Variants in CAMSAP1 observed in about 807,000 individuals in gnomAD.
The protein encoded by CAMSAP1 is calmodulin-regulated spectrin-associated protein 1.
In CAMSAP1, 58 loss-of-function variants were observed where a neutral mutation model predicts 143.5. The ratio of observed to expected loss-of-function variants is 0.40; its 90% CI spans 0.33 to 0.50. The LOEUF (loss-of-function observed/expected upper bound fraction) is 0.50. CAMSAP1 is among the 20% of genes least tolerant of loss of function. The pLI is 0.45. For synonymous variants in CAMSAP1, 945 were observed against 859.3 expected (o/e 1.10, Z -1.74); for missense variants, 1,969 against 2,115.7 (o/e 0.93, Z 1.36).
chr9:135,876,988 G>A (rs1187407668), intron 3 of CAMSAP1, among the ~76,000 whole-genome samples: 1 of 152,094 alleles, frequency 6.6e-6, no homozygotes, highest in Non-Finnish European at 1.5e-5. Context: ...TAGCCTGGGT[G>A]GCAGAGTGAG....
Position 135,823,185 on chromosome 9 carries a change from G to A in CAMSAP1, c.1476C>T (p.Ser492=). 6.3e-7 allele frequency: 1 copy of A among 1,598,828 alleles called. No homozygotes were observed. The highest frequency in any genetic ancestry group is 8.5e-7 in the Non-Finnish European group (1 of 1,170,690). ...TGCTGATGGAGCGGGCCAAGCTGAT[G>A]CTGTCGCCAGAGCTGGGATCCACTT... The part of the protein sequence containing the change: ...SCEVDPSSGD[S]ISLARSISKD... Residue 492 remains serine (S), a synonymous_variant, in exon 11 of 17, where the codon AGC becomes AGT. Transcript: ENST00000389532.
intron 7 of CAMSAP1, among the ~76,000 whole-genome samples, chr9:135,828,843 A>G (rs941879673): frequency 6.6e-6 from 1 of 152,244 alleles, no homozygotes; most frequent in Non-Finnish European, 1.5e-5. Context: ...CCCCCATTAG[A>G]CTATCAGTAG....
intron 5 of CAMSAP1, among the ~76,000 whole-genome samples, chr9:135,855,668 G>A (rs1836931644): frequency 6.6e-6 from 1 of 151,444 alleles, no homozygotes; most frequent in African/African-American, 2.4e-5. Context: ...TTGAATCCAG[G>A]TGGTGGCAGA....
chr9:135,860,693 C>G (rs1404814932), intron 5 of CAMSAP1, among the ~76,000 whole-genome samples: 1 of 149,514 alleles, frequency 6.7e-6, no homozygotes, highest in Admixed American at 6.6e-5. Flanking sequence ...CCGCCGTCTT[C>G]TTTAAGGTGT....
At chr9:135,865,336 A>G in intron 4 of CAMSAP1, 1 of 1,550,666 alleles carries the variant, frequency 6.4e-7, no homozygotes, top group Non-Finnish European at 8.7e-7. Context: ...ACTTACAGGC[A>G]CTAACTTCCA....
At chr9:135,817,414 C>T (rs1489734825) in intron 14 of CAMSAP1, among the ~76,000 whole-genome samples, 3 of 152,148 alleles carry the variant, frequency 2.0e-5, no homozygotes, top group African/African-American at 4.8e-5. Flanking sequence ...GGTTTTCTGG[C>T]AGCGTCTCAC....
At chr9:135,899,391 C>T (rs1838552303) in intron 1 of CAMSAP1, among the ~76,000 whole-genome samples, 2 of 148,196 alleles carry the variant, frequency 1.3e-5, no homozygotes, top group African/African-American at 2.5e-5. Flanking sequence ...GAGTTCGAGA[C>T]CATCCCTGAC....
At chr9:135,852,602 C>A (rs1213083200) in intron 5 of CAMSAP1, among the ~76,000 whole-genome samples, 2 of 152,122 alleles carry the variant, frequency 1.3e-5, no homozygotes, top group Non-Finnish European at 2.9e-5. Context: ...GTGAGGCCAC[C>A]CCAAAGGCAC....
chr9:135,842,512 G>A (rs1032901668), intron 7 of CAMSAP1, among the ~76,000 whole-genome samples: 1 of 152,020 alleles, frequency 6.6e-6, no homozygotes, highest in African/African-American at 2.4e-5. Flanking sequence ...CACACTCCAC[G>A]AGAAGAGCAA....
intron 3 of CAMSAP1, among the ~76,000 whole-genome samples, chr9:135,873,490 A>G (rs1837632612): frequency 6.6e-6 from 1 of 152,164 alleles, no homozygotes; most frequent in South Asian, 2.1e-4. Flanking sequence ...TAGAGAAAAT[A>G]AAAACTAAAA....
intron 7 of CAMSAP1, among the ~76,000 whole-genome samples, chr9:135,835,885 C>A (rs150884665): frequency 0.014 from 2,061 of 152,258 alleles, 51 homozygotes; most frequent in African/African-American, 0.047. Context: ...GAGATTGAGG[C>A]AGGAGAATCA....
chr9:135,821,009 T>G lies in CAMSAP1; in HGVS notation c.3652A>C (p.Lys1218Gln). ...VGSSSSDVSG[K>Q]ESVPVEEPLR... Reference sequence around the variant, plus strand: ...GGCTCCTCCACGGGGACGCTCTCTTTTCCCGAGACATCTGAGGAGCTGGAC... The same window carrying G: ...GGCTCCTCCACGGGGACGCTCTCTTGTCCCGAGACATCTGAGGAGCTGGAC... Residue 1218 changes from lysine to glutamine, a missense_variant, in exon 11 of 17, where the codon AAA becomes CAA. By Grantham distance (53) the Lys-to-Gln change is moderately conservative (BLOSUM62 1). Around this residue, in one of 4 missense-constraint regions of CAMSAP1, gnomAD observed 1,390 missense variants for 1,420.8 expected, o/e 0.98. Transcript: ENST00000389532. This position sits in a 1 kb window ranked among gnomAD's most constrained non-coding sequence, Gnocchi z 4.6. 6.2e-7 allele frequency: 1 copy of G among 1,613,050 alleles called. No individual in the cohort carries two copies. Among genetic ancestry groups the G allele is most frequent in the Non-Finnish European group, 8.5e-7 (1 of 1,179,202 alleles).
At chr9:135,823,328 G>A in intron 10 of CAMSAP1, 68 bp from the exon 11 acceptor site, 1 of 1,488,520 alleles carries the variant, frequency 6.7e-7, no homozygotes, top group African/African-American at 1.4e-5. Flanking sequence ...ATGGACCAGG[G>A]GGTGAGAATG....
chr9:135,906,027 A>G (rs1838766555), intron 1 of CAMSAP1, among the ~76,000 whole-genome samples: 1 of 152,262 alleles, frequency 6.6e-6, no homozygotes, highest in East Asian at 1.9e-4. Context: ...CTACTTACAC[A>G]GTACAAAAAC....
intron 1 of CAMSAP1, among the ~76,000 whole-genome samples, chr9:135,903,490 C>T (rs565593156): frequency 1.6e-4 from 25 of 152,350 alleles, no homozygotes; most frequent in African/African-American, 6.0e-4. Flanking sequence ...CCATATGCCA[C>T]AAGGCCTCGC....
intron 3 of CAMSAP1, among the ~76,000 whole-genome samples, chr9:135,870,911 G>A (rs958881043): frequency 6.6e-6 from 1 of 152,204 alleles, no homozygotes; most frequent in Non-Finnish European, 1.5e-5. Flanking sequence ...ATTGATGATA[G>A]TTTCAAATTC....
intron 2 of CAMSAP1, 69 bp from the exon 3 acceptor site, chr9:135,881,863 C>G: frequency 6.6e-7 from 1 of 1,520,100 alleles, no homozygotes; most frequent in Non-Finnish European, 8.9e-7. Context: ...TGCAGGGAAC[C>G]TGCTCATACT....
chr9:135,907,061 G>A lies in CAMSAP1; in HGVS notation c.99C>T (p.Asp33=), dbSNP rs1356867166. The A allele has an allele frequency of 1.7e-6, 2 of 1,207,874 alleles. No homozygotes were observed. The highest frequency in any genetic ancestry group is 1.0e-6 in the Non-Finnish European group (1 of 960,440). 74.8% of individuals were successfully genotyped at this position (1,207,874 alleles called of 1,614,324 possible). ...TGGCGGCGATCTTGGCGCGCGCCGC[G>A]TCGTAGCGGTCCAGGGGCACGAGGT... The part of the protein sequence containing the change: ...AADLVPLDRY[D]AARAKIAANL... The change falls in exon 1 of 17, where the codon GAC becomes GAT. Residue 33 remains aspartate, a synonymous_variant. Coordinates refer to ENST00000389532, the MANE Select transcript of CAMSAP1 (RefSeq NM_015447.4).
intron 1 of CAMSAP1, among the ~76,000 whole-genome samples, chr9:135,890,145 G>A (rs968833227): frequency 3.3e-5 from 5 of 151,938 alleles, no homozygotes; most frequent in South Asian, 2.1e-4. Context: ...GCTCACACCC[G>A]CAGAGGCTCC....
Sources: gnomAD v4.1 joint callset for allele counts (sites outside exome capture counted in the v4.1 genomes callset) on GRCh38, gnomAD v4.1.1 for gene constraint, gnomAD v4.1.1 regional missense constraint, Gnocchi (gnomAD v3.1) non-coding constraint, MANE v1.5 for transcripts, NCBI Gene and HGNC (gene_info 2026-07-23, HGNC 2026-07-21) for gene names.